Variants in SUSD1 observed in about 807,000 individuals in gnomAD.
The protein encoded by SUSD1 is sushi domain containing 1.
Under a neutral mutation model 86.9 loss-of-function variants are expected in SUSD1, and 65 were observed. That is an observed-to-expected ratio of 0.75 (90% CI 0.61 to 0.92). SUSD1 has a LOEUF of 0.92. Ranked by LOEUF, SUSD1 falls within the 40% of genes least tolerant of loss-of-function variation. The pLI is 0.00. For missense variants in SUSD1, 850 were observed against 929.7 expected, an observed-to-expected ratio of 0.91 and a Z score of 1.11; for synonymous variants, 346 against 350.0, an observed-to-expected ratio of 0.99 and a Z score of 0.13.
chr9:112,173,885 G>C (rs1036385582), intron 1 of SUSD1: 1 of 283,458 alleles, frequency 3.5e-6, no homozygotes. Context: ...TAAAAGATTC[G>C]TATCTTTGTG....
At chr9:112,062,891 T>A in intron 13 of SUSD1, 46 bp downstream of exon 13, 2 of 1,317,172 alleles carry the variant, frequency 1.5e-6, no homozygotes, top group Non-Finnish European at 2.2e-6. Context: ...TCCAAAACAC[T>A]CCATGGGGAT....
chr9:112,117,025 A>C (rs1224693445), intron 6 of SUSD1, among the ~76,000 whole-genome samples: 2 of 152,234 alleles, frequency 1.3e-5, no homozygotes, highest in African/African-American at 4.8e-5. Context: ...CTGTAATCCC[A>C]GCTACTCAAG....
chr9:112,109,932 T>A (rs1281206692), intron 8 of SUSD1, among the ~76,000 whole-genome samples: 1 of 152,232 alleles, frequency 6.6e-6, no homozygotes, highest in Non-Finnish European at 1.5e-5. Flanking sequence ...GGTTTTATAT[T>A]GTTAAGATTG....
chr9:112,069,276 T>A (rs1357460245), intron 12 of SUSD1, among the ~76,000 whole-genome samples: 1 of 152,192 alleles, frequency 6.6e-6, no homozygotes. Context: ...ATATAGATCA[T>A]GTTTTTCCTA....
At chr9:112,056,031 T>G (rs56099260) in intron 14 of SUSD1, among the ~76,000 whole-genome samples, 11,235 of 152,042 alleles carry the variant, frequency 0.074, 532 homozygotes, top group Non-Finnish European at 0.1. Context: ...GAGGTCAAGG[T>G]GGGAGGATCA....
intron 10 of SUSD1, among the ~76,000 whole-genome samples, chr9:112,083,053 T>C (rs1490761338): frequency 6.6e-6 from 1 of 152,076 alleles, no homozygotes; most frequent in African/African-American, 2.4e-5. Flanking sequence ...TGTTATTTTC[T>C]GCCACTAAGT....
At chr9:112,044,024 T>C (rs1048237528) in intron 15 of SUSD1, among the ~76,000 whole-genome samples, 2 of 152,176 alleles carry the variant, frequency 1.3e-5, no homozygotes, top group Non-Finnish European at 2.9e-5. Flanking sequence ...GGTCTCGAAC[T>C]CTTGACCTCA....
chr9:112,125,605 T>C (rs543007750), intron 5 of SUSD1, among the ~76,000 whole-genome samples: 1 of 152,290 alleles, frequency 6.6e-6, no homozygotes, highest in Admixed American at 6.5e-5. Flanking sequence ...CTTGAGGCAT[T>C]CATTCTGATT....
At chr9:112,101,317 G>T (rs950808664) in intron 9 of SUSD1, among the ~76,000 whole-genome samples, 1 of 151,854 alleles carries the variant, frequency 6.6e-6, no homozygotes, top group Non-Finnish European at 1.5e-5. Context: ...AGCCAAGATC[G>T]CCTCCCTGCA....
At chr9:112,078,809 C>CTAA in intron 11 of SUSD1, 85 bp from the exon 12 acceptor site, 1 of 829,714 alleles carries the variant, frequency 1.2e-6, no homozygotes, top group Non-Finnish European at 1.7e-6. Flanking sequence ...CTTTTTCTTT[C>CTAA]TCTTTTTTTT....
At chr9:112,050,109 T>A (rs972346238) in intron 15 of SUSD1, among the ~76,000 whole-genome samples, 3 of 152,222 alleles carry the variant, frequency 2.0e-5, no homozygotes, top group Non-Finnish European at 2.9e-5. Context: ...TAAAAGCATC[T>A]CTTTTCCTCG....
At chr9:112,055,286 T>G (rs1211001466) in intron 14 of SUSD1, among the ~76,000 whole-genome samples, 4 of 151,976 alleles carry the variant, frequency 2.6e-5, no homozygotes, top group Non-Finnish European at 2.9e-5. Context: ...ATTAGTCGGG[T>G]GTGATGGCAT....
At chr9:112,148,414 C>T (rs530869872) in intron 3 of SUSD1, among the ~76,000 whole-genome samples, 15 of 152,258 alleles carry the variant, frequency 9.9e-5, no homozygotes, top group Non-Finnish European at 1.6e-4. Context: ...CCTCACTCAG[C>T]GCACACATGT....
intron 10 of SUSD1, among the ~76,000 whole-genome samples, chr9:112,090,014 T>C (rs1392009914): frequency 6.6e-6 from 1 of 152,138 alleles, no homozygotes; most frequent in Non-Finnish European, 1.5e-5. Flanking sequence ...GCCAGATTTG[T>C]TCTGCAGGTC....
chr9:112,084,325 G>A (rs1306831602), intron 10 of SUSD1, among the ~76,000 whole-genome samples: 2 of 152,126 alleles, frequency 1.3e-5, no homozygotes, highest in African/African-American at 4.8e-5. Context: ...CAAAGAGAAT[G>A]AGATGACAAT....
chr9:112,088,087 C>T (rs371865394), intron 10 of SUSD1, among the ~76,000 whole-genome samples: 1 of 152,214 alleles, frequency 6.6e-6, no homozygotes, highest in East Asian at 1.9e-4. Context: ...TTAAGACACT[C>T]AAACCAAGAA....
intron 2 of SUSD1, among the ~76,000 whole-genome samples, chr9:112,156,334 T>C (rs142471816): frequency 3.2e-4 from 48 of 151,788 alleles, no homozygotes; most frequent in Non-Finnish European, 5.4e-4. Context: ...TGGTGGCACA[T>C]ACCTGTAATC....
At chr9:112,071,750 G>A (rs770258812) in intron 12 of SUSD1, among the ~76,000 whole-genome samples, 5 of 151,960 alleles carry the variant, frequency 3.3e-5, no homozygotes, top group South Asian at 2.1e-4. Flanking sequence ...CAACTCCACC[G>A]CCCAAAAACC....
At chr9:112,170,451 G>T (rs1490889956) in intron 1 of SUSD1, among the ~76,000 whole-genome samples, 1 of 151,894 alleles carries the variant, frequency 6.6e-6, no homozygotes, top group Non-Finnish European at 1.5e-5. Context: ...GGACTAACTG[G>T]TTCTACCCCT....
Sources: allele counts gnomAD v4.1 joint callset (sites outside exome capture counted in the v4.1 genomes callset), GRCh38; gene constraint gnomAD v4.1.1; transcripts MANE v1.5; gene names NCBI Gene and HGNC (gene_info 2026-07-23, HGNC 2026-07-21).